The following ZNF160 variants were observed in gnomAD, a reference collection of about 807,000 sequenced individuals.
ZNF160 encodes KRAB zinc finger protein KR18.
ZNF160 carries 9 observed loss-of-function variants against 13.1 expected under a neutral mutation model. That is an observed-to-expected ratio of 0.69 (90% confidence interval 0.41 to 1.20). The LOEUF (loss-of-function observed/expected upper bound fraction) is 1.20. Among genes scored for constraint, ZNF160 ranks in the 50% most tolerant of loss-of-function variants. ZNF160 has a pLI of 0.01. For synonymous variants in ZNF160, 293 were observed against 333.2 expected, an observed-to-expected ratio of 0.88 and a Z score of 1.31; for missense variants, 838 against 988.0, an observed-to-expected ratio of 0.85 and a Z score of 2.04.
At chr19:53,070,702 C>G (rs774492667) in intron 5 of ZNF160, among the ~76,000 whole-genome samples, 2 of 152,176 alleles carry the variant, frequency 1.3e-5, no homozygotes, top group Non-Finnish European at 2.9e-5. Flanking sequence ...GCGTGAGTCA[C>G]TGTGCCCAGC....
At chr19:53,101,676 C>T (rs572296620) in intron 1 of ZNF160, among the ~76,000 whole-genome samples, 2 of 152,226 alleles carry the variant, frequency 1.3e-5, no homozygotes, top group East Asian at 1.9e-4. Flanking sequence ...CCAGTCACTC[C>T]TTGCCTCTCT....
chr19:53,082,710 T>C (rs755331755), intron 3 of ZNF160, among the ~76,000 whole-genome samples: 3 of 152,114 alleles, frequency 2.0e-5, no homozygotes, highest in African/African-American at 2.4e-5. Context: ...AACAGATGTA[T>C]AGTTTTCCCC....
intron 1 of ZNF160, among the ~76,000 whole-genome samples, chr19:53,102,500 G>A (rs962740666): frequency 2.6e-5 from 4 of 152,178 alleles, no homozygotes; most frequent in Admixed American, 1.3e-4. Flanking sequence ...TTGTTGTCCT[G>A]CATCTCGGGA....
chr19:53,096,419 G>A (rs1181348522), intron 1 of ZNF160, among the ~76,000 whole-genome samples: 1 of 151,720 alleles, frequency 6.6e-6, no homozygotes, highest in Non-Finnish European at 1.5e-5. Context: ...CCAACCTGTG[G>A]AAGGGCAAGC....
intron 2 of ZNF160, among the ~76,000 whole-genome samples, chr19:53,088,928 G>C (rs1440824505): frequency 6.6e-6 from 1 of 152,310 alleles, no homozygotes; most frequent in Non-Finnish European, 1.5e-5. Flanking sequence ...TGTACGCTCT[G>C]ACTGACCTGG....
chr19:53,080,161 C>T (rs564672371), intron 3 of ZNF160, among the ~76,000 whole-genome samples: 2 of 149,398 alleles, frequency 1.3e-5, no homozygotes, highest in Non-Finnish European at 3.0e-5. Context: ...GGCTGGAGTG[C>T]GATCTTGGCT....
intron 5 of ZNF160, chr19:53,073,541 A>G: frequency 1.3e-6 from 2 of 1,583,500 alleles, no homozygotes; most frequent in Non-Finnish European, 1.7e-6. Flanking sequence ...GTGGAACATA[A>G]ACAGGTCTAG....
In ZNF160 at chr19:53,069,716, G is replaced by A; in HGVS notation, c.818C>T (p.Thr273Ile). 2 of 1,614,078 alleles carry A rather than the reference G, an allele frequency of 1.2e-6. No individual in the cohort carries two copies. The highest frequency in any genetic ancestry group is 2.2e-5 in the East Asian group (1 of 44,884). Reference protein sequence around the residue: ...GKAFTQNSNLTSHRRIHSGEK... With the variant: ...GKAFTQNSNLISHRRIHSGEK... Reference sequence around the variant, plus strand: ...TCCACTATGAATTCTCCTATGACTTGTAAGGTTCGAATTCTGAGTGAACGC... The same window carrying A: ...TCCACTATGAATTCTCCTATGACTTATAAGGTTCGAATTCTGAGTGAACGC... The change falls in exon 6 of 6, where the codon ACA (threonine) becomes ATA (isoleucine). Residue 273 changes from threonine (T) to isoleucine (I), a missense_variant. Thr to Ile is a moderately conservative substitution (Grantham distance 89). Transcript: ENST00000683776. This position sits in a 1 kb window ranked among gnomAD's most constrained non-coding sequence, Gnocchi z 4.4.
At chr19:53,095,178 CT>C (rs1310424008) in intron 1 of ZNF160, among the ~76,000 whole-genome samples, 2 of 136,674 alleles carry the variant, frequency 1.5e-5, no homozygotes, top group East Asian at 2.2e-4. Context: ...CCCCTCCCCA[CT>C]GCCCAGGCCC....
rs2085520271 is a variant in ZNF160 at position 53,103,371 on chromosome 19, C to T, written c.-460G>A. 1 of 152,212 alleles carries T rather than the reference C, an allele frequency of 6.6e-6. No individual in the cohort carries two copies. The highest frequency in any genetic ancestry group is 2.4e-5 in the African/African-American group (1 of 41,438). The allele number at this position is 152,212 out of a possible 1,614,324, so 9.4% of individuals were successfully genotyped here. A position where few individuals can be genotyped will look rare whatever the true frequency, so the allele number is the denominator to read the frequency against. ...CGCAGGTTGAGTCTACACAGAGGAA[C>T]ACTCATACGCCATGGTGTGATGCTT... On this transcript the variant is annotated 5_prime_UTR_variant, in exon 1 of 6. Transcript: ENST00000683776.
In ZNF160 at chr19:53,103,352, T is replaced by C. The variant is rs2085519230; in HGVS notation, c.-441A>G. 1 of 152,002 alleles carries C rather than the reference T, an allele frequency of 6.6e-6. No individual in the cohort carries two copies. Among genetic ancestry groups the C allele is most frequent in the African/African-American group, 2.4e-5 (1 of 41,304 alleles). 9.4% of individuals were successfully genotyped at this position (152,002 alleles called of 1,614,324 possible). A position where few individuals can be genotyped will look rare whatever the true frequency, so the allele number is the denominator to read the frequency against. ...CGAATGGGGGACGGCGAGGCGCAGG[T>C]TGAGTCTACACAGAGGAACACTCAT... is the stretch of plus-strand genomic sequence containing the variant. On this transcript the variant is annotated 5_prime_UTR_variant, in exon 1 of 6. Transcript: ENST00000683776.
intron 2 of ZNF160, among the ~76,000 whole-genome samples, chr19:53,090,258 T>C (rs2084985918): frequency 6.6e-6 from 1 of 152,034 alleles, no homozygotes; most frequent in South Asian, 2.1e-4. Flanking sequence ...TCCCCCTTTC[T>C]GCCCCTCTCC....
chr19:53,091,019 G>A (rs1339941269), intron 2 of ZNF160: 1 of 152,146 alleles, frequency 6.6e-6, no homozygotes, highest in East Asian at 1.9e-4. Context: ...ATTTACTTGG[G>A]AATGAAAGAG....
chr19:53,085,790 C>T lies in ZNF160; in HGVS notation c.15+472G>A, dbSNP rs764466573. ...TTCCCAGTCTTTACGAGTTTGGAGT[C>T]GGAAATCCAATGACTCACTTGTTCG... is the stretch of plus-strand genomic sequence containing the variant. On this transcript the variant is annotated intron_variant, in intron 3 of 5. Transcript: ENST00000683776. The T allele has an allele frequency of 9.0e-6, 4 of 444,744 alleles. No homozygotes were observed. In the Admixed American group the frequency reaches 1.1e-4, roughly 13 times the overall value. The allele number at this position is 444,744 out of a possible 1,614,324, so 27.5% of individuals were successfully genotyped here. A position where few individuals can be genotyped will look rare whatever the true frequency, so the allele number is the denominator to read the frequency against.
intron 3 of ZNF160, chr19:53,085,680 T>G: frequency 1.3e-5 from 3 of 234,058 alleles, no homozygotes; most frequent in East Asian, 1.1e-4. Flanking sequence ...TTGTTACACA[T>G]TTATGTTGAC....
At chr19:53,102,561 T>C (rs1466110014) in intron 1 of ZNF160, among the ~76,000 whole-genome samples, 1 of 152,202 alleles carries the variant, frequency 6.6e-6, no homozygotes, top group Non-Finnish European at 1.5e-5. Flanking sequence ...CCCTGCTACT[T>C]TCTTGACTGC....
At position 53,088,410 on chromosome 19, in the gene ZNF160, C is replaced by T. The variant is rs1443358856; in HGVS notation, c.-45-2089G>A. ...AGACAAAGTGGCCGCACACGGCTCA[C>T]GCTTGTAATCCCAGTACTTTGGGAG... On this transcript the variant is annotated intron_variant, in intron 2 of 5. Transcript: ENST00000683776. 4.0e-5 allele frequency among the ~76,000 whole-genome samples: 6 copies of T among 150,918 alleles called. No individual in the cohort carries two copies. The East Asian group carries it at 5.9e-4, about 15-fold the overall frequency.
chr19:53,103,189 G>C (rs920140571), intron 1 of ZNF160, 76 bp downstream of exon 1: 1 of 152,294 alleles, frequency 6.6e-6, no homozygotes, highest in Non-Finnish European at 1.5e-5. Context: ...AGAAAGACCG[G>C]GGGCAGGGAC....
In ZNF160 at chr19:53,068,544, G is replaced by C. The variant is rs777341049; in HGVS notation, c.1990C>G (p.Leu664Val). Residue 664 changes from leucine (L) to valine (V), a missense_variant, in exon 6 of 6, where the codon CTA (leucine) becomes GTA (valine). Leu to Val is a conservative substitution (Grantham distance 32). Around this residue, in one of 3 missense-constraint regions of ZNF160, gnomAD observed 400 missense variants for 538.9 expected, o/e 0.74. Coordinates refer to ENST00000683776, the MANE Select transcript of ZNF160 (RefSeq NM_001322131.2). ...CGKAFSMHSN[L>V]TTHKVIHTGE... ...GTATGGATGACCTTATGGGTAGTTA[G>C]GTTTGAATGCATACTAAAGGCTTTC... 4 of 1,614,088 alleles carry C rather than the reference G, an allele frequency of 2.5e-6. No homozygotes were observed. The highest frequency in any genetic ancestry group is 3.4e-6 in the Non-Finnish European group (4 of 1,180,032).
Sources: gnomAD v4.1 joint callset for allele counts (sites outside exome capture counted in the v4.1 genomes callset) on GRCh38, gnomAD v4.1.1 for gene constraint, gnomAD v4.1.1 regional missense constraint, Gnocchi (gnomAD v3.1) non-coding constraint, MANE v1.5 for transcripts, NCBI Gene and HGNC (gene_info 2026-07-23, HGNC 2026-07-21) for gene names.